SGCG: variants seen among roughly 807,000 people sequenced by gnomAD.
The protein encoded by SGCG is sarcoglycan gamma.
Under a neutral mutation model 29.3 loss-of-function variants are expected in SGCG, and 26 were observed. The observed-to-expected ratio is 0.89, with a 90% confidence interval of 0.65 to 1.23. The LOEUF (loss-of-function observed/expected upper bound fraction) is 1.23, where lower values mean the gene tolerates loss of function less well. Among genes scored for constraint, SGCG ranks in the 50% most tolerant of loss-of-function variants. SGCG has a pLI of 0.00. For missense variants in SGCG, 353 were observed against 356.0 expected (o/e 0.99, Z 0.07); for synonymous variants, 145 against 129.7 (o/e 1.12, Z -0.80).
intron 2 of SGCG, among the ~76,000 whole-genome samples, chr13:23,208,996 T>C (rs1270054723): frequency 1.3e-5 from 2 of 152,090 alleles, no homozygotes; most frequent in Non-Finnish European, 2.9e-5. Context: ...GCATATAAAA[T>C]ATTTTAGTGC....
chr13:23,184,658 A>G (rs1160631244), intron 1 of SGCG, among the ~76,000 whole-genome samples: 1 of 152,168 alleles, frequency 6.6e-6, no homozygotes, highest in Admixed American at 6.5e-5. Context: ...CTGGATGGCC[A>G]GTAAGGGGGT....
upstream of SGCG, among the ~76,000 whole-genome samples, chr13:23,180,769 T>C (rs641583): frequency 0.58 from 88,002 of 152,018 alleles, 25,655 homozygotes; most frequent in Admixed American, 0.64. Context: ...TTCTTGTTTG[T>C]TTGTTTGTTT....
At chr13:23,290,952 A>G (rs545668669) in intron 5 of SGCG, among the ~76,000 whole-genome samples, 1 of 152,284 alleles carries the variant, frequency 6.6e-6, no homozygotes, top group African/African-American at 2.4e-5. Context: ...TGGGCTCTGT[A>G]CCATGATCTT....
the SGCG span, among the ~76,000 whole-genome samples, chr13:23,160,901 G>A: frequency 6.6e-6 from 1 of 152,164 alleles, no homozygotes; most frequent in Non-Finnish European, 1.5e-5. Context: ...TAGACAGTTG[G>A]CTTTTCTTTG....
At chr13:23,236,001 A>C (rs1186710697) in intron 3 of SGCG, among the ~76,000 whole-genome samples, 1 of 152,198 alleles carries the variant, frequency 6.6e-6, no homozygotes, top group African/African-American at 2.4e-5. Flanking sequence ...GTAAGTGAAA[A>C]GTACATAAGT....
At chr13:23,195,019 T>A (rs1877431755) in intron 1 of SGCG, among the ~76,000 whole-genome samples, 1 of 152,226 alleles carries the variant, frequency 6.6e-6, no homozygotes, top group Non-Finnish European at 1.5e-5. Context: ...AGCCAACTAC[T>A]AACTTAACAA....
intron 4 of SGCG, among the ~76,000 whole-genome samples, chr13:23,253,411 C>G (rs544239646): frequency 2.0e-5 from 3 of 152,250 alleles, no homozygotes; most frequent in Admixed American, 2.0e-4. Flanking sequence ...GAACCTTGAG[C>G]TAGGAAATAG....
chr13:23,194,771 G>A (rs1005977681), intron 1 of SGCG, among the ~76,000 whole-genome samples: 14 of 152,178 alleles, frequency 9.2e-5, no homozygotes, highest in African/African-American at 2.7e-4. Flanking sequence ...CCACATGACC[G>A]ATAGCTGGAC....
At chr13:23,241,047 G>T (rs1394962604) in intron 3 of SGCG, among the ~76,000 whole-genome samples, 1 of 151,390 alleles carries the variant, frequency 6.6e-6, no homozygotes, top group Admixed American at 6.6e-5. Context: ...TACTTGGGAG[G>T]CTGAGGCAGG....
At chr13:23,264,586 C>T (rs1019434700) in intron 4 of SGCG, among the ~76,000 whole-genome samples, 1 of 152,076 alleles carries the variant, frequency 6.6e-6, no homozygotes, top group African/African-American at 2.4e-5. Flanking sequence ...TCCTAAAATT[C>T]ATACGGAACC....
rs140770358 is a variant in SGCG, at chr13:23,304,342, G to A, written c.578+8855G>A. 8.9e-3 allele frequency among the ~76,000 whole-genome samples: 1,352 copies of A among 152,056 alleles called. 19 individuals carry two copies. Among genetic ancestry groups the A allele is most frequent in the African/African-American group, 0.031 (1,288 of 41,444 alleles). On this transcript the variant is annotated intron_variant, in intron 6 of 7. Coordinates refer to ENST00000218867, the MANE Select transcript of SGCG (RefSeq NM_000231.3). ...TACAATTAGACCTCTGATCCACTTA[G>A]AGTTGATTATTGTGTGAGGTATGAG...
chr13:23,320,597 CTTTT>C, intron 6 of SGCG, 36 bp from the exon 7 acceptor site: 103 of 1,321,772 alleles, frequency 7.8e-5, no homozygotes, highest in South Asian at 1.2e-4. Flanking sequence ...ATTTTTAATA[CTTTT>C]TTTTTTTTTT....
chr13:23,295,251 G>T (rs1881855336), intron 5 of SGCG, among the ~76,000 whole-genome samples, 164 bp from the exon 6 acceptor site: 1 of 152,112 alleles, frequency 6.6e-6, no homozygotes, highest in Non-Finnish European at 1.5e-5. Flanking sequence ...AGAAAAGTAG[G>T]GAAAGAGTTG....
chr13:23,273,637 T>C (rs1300120627), intron 4 of SGCG, among the ~76,000 whole-genome samples: 4 of 152,256 alleles, frequency 2.6e-5, no homozygotes, highest in Non-Finnish European at 5.9e-5. Context: ...CCAAAAGTTA[T>C]TTAAAGAGAG....
the SGCG span, among the ~76,000 whole-genome samples, chr13:23,169,409 G>A: frequency 1.6e-4 from 24 of 151,538 alleles, no homozygotes; most frequent in African/African-American, 4.4e-4. Flanking sequence ...TAGCCGGCGC[G>A]GTGGCTCACG....
chr13:23,307,445 T>C (rs552178314), intron 6 of SGCG, among the ~76,000 whole-genome samples: 3 of 152,214 alleles, frequency 2.0e-5, no homozygotes, highest in Non-Finnish European at 4.4e-5. Context: ...AAAAAAGTTA[T>C]CTTTTTTCAA....
intron 3 of SGCG, among the ~76,000 whole-genome samples, chr13:23,235,917 C>T (rs1003769328): frequency 1.3e-5 from 2 of 152,198 alleles, no homozygotes; most frequent in Non-Finnish European, 2.9e-5. Flanking sequence ...ACCAGACATT[C>T]GCCAAGCTCT....
intron 3 of SGCG, among the ~76,000 whole-genome samples, chr13:23,241,538 C>A (rs1168290885): frequency 6.6e-6 from 1 of 152,124 alleles, no homozygotes; most frequent in Non-Finnish European, 1.5e-5. Context: ...TTCTACCAAA[C>A]ATTTAAAGAA....
At chr13:23,278,835 G>A (rs999222959) in intron 4 of SGCG, among the ~76,000 whole-genome samples, 1 of 152,208 alleles carries the variant, frequency 6.6e-6, no homozygotes, top group Non-Finnish European at 1.5e-5. Flanking sequence ...AAACAGGAAG[G>A]TGTTCTTCCA....
Sources: gnomAD v4.1 joint callset for allele counts (sites outside exome capture counted in the v4.1 genomes callset) on GRCh38, gnomAD v4.1.1 for gene constraint, MANE v1.5 for transcripts, NCBI Gene and HGNC (gene_info 2026-07-23, HGNC 2026-07-21) for gene names.